The following USP13 variants were observed in gnomAD, a reference collection of about 807,000 sequenced individuals.
USP13 encodes ubiquitin carboxyl-terminal hydrolase 13.
USP13 carries 68 observed loss-of-function variants against 107.8 expected under a neutral mutation model. The ratio of observed to expected loss-of-function variants is 0.63; its 90% confidence interval spans 0.52 to 0.77. The LOEUF (loss-of-function observed/expected upper bound fraction) is 0.77. USP13 is among the 30% of genes least tolerant of loss of function. The pLI is 0.00. For missense variants in USP13, 945 were observed against 1,093.3 expected, an observed-to-expected ratio of 0.86 and a Z score of 1.91; for synonymous variants, 377 against 389.5, an observed-to-expected ratio of 0.97 and a Z score of 0.38.
intron 3 of USP13, among the ~76,000 whole-genome samples, chr3:179,690,574 C>T (rs1163151490): frequency 1.3e-5 from 2 of 152,030 alleles, no homozygotes; most frequent in East Asian, 3.9e-4. Flanking sequence ...TTATTGCTTA[C>T]TTTATTTTTA....
intron 14 of USP13, among the ~76,000 whole-genome samples, chr3:179,753,313 G>T (rs991877337): frequency 6.6e-6 from 1 of 152,214 alleles, no homozygotes; most frequent in African/African-American, 2.4e-5. Flanking sequence ...GTGCTGGGCT[G>T]TTACTGATCC....
At chr3:179,705,949 C>G (rs909576145) in intron 4 of USP13, among the ~76,000 whole-genome samples, 3 of 152,162 alleles carry the variant, frequency 2.0e-5, no homozygotes, top group Non-Finnish European at 2.9e-5. Context: ...TCTCGAACTC[C>G]TGACCTCAAG....
At chr3:179,741,935 T>G (rs919102369) in intron 11 of USP13, among the ~76,000 whole-genome samples, 1 of 152,230 alleles carries the variant, frequency 6.6e-6, no homozygotes, top group South Asian at 2.1e-4. Flanking sequence ...TCTCATTCCA[T>G]GAATTTCTCT....
chr3:179,686,384 C>A (rs1019445728), intron 2 of USP13, among the ~76,000 whole-genome samples: 2 of 152,106 alleles, frequency 1.3e-5, no homozygotes, highest in African/African-American at 4.8e-5. Context: ...GAGTTTGAGA[C>A]CACCCTGGGC....
intron 18 of USP13, among the ~76,000 whole-genome samples, chr3:179,765,388 T>A (rs1230207766): frequency 2.0e-5 from 3 of 152,230 alleles, no homozygotes; most frequent in Non-Finnish European, 2.9e-5. Context: ...TCCACACCTA[T>A]TATTATCAGC....
intron 3 of USP13, 45 bp from the exon 4 acceptor site, chr3:179,700,963 A>T: frequency 6.3e-7 from 1 of 1,584,452 alleles, no homozygotes; most frequent in Non-Finnish European, 8.6e-7. Flanking sequence ...AGTGTGGGAT[A>T]TTATTTTCCT....
chr3:179,741,296 A>C (rs760951202), intron 11 of USP13, among the ~76,000 whole-genome samples: 5 of 151,980 alleles, frequency 3.3e-5, no homozygotes, highest in Non-Finnish European at 7.4e-5. Context: ...GCCCACTGCA[A>C]CCTCCGCCTT....
chr3:179,759,935 G>A (rs933445883), intron 16 of USP13, among the ~76,000 whole-genome samples: 2 of 152,128 alleles, frequency 1.3e-5, no homozygotes, highest in Admixed American at 1.3e-4. Flanking sequence ...GCCTCCCAAA[G>A]AGCTGGGATT....
intron 8 of USP13, among the ~76,000 whole-genome samples, chr3:179,728,505 G>A (rs1713657386): frequency 6.6e-6 from 1 of 150,450 alleles, no homozygotes; most frequent in Admixed American, 6.6e-5. Flanking sequence ...AGACTGGGCA[G>A]CCAGGCAGAG....
chr3:179,773,865 A>T (rs1284793811), intron 19 of USP13, among the ~76,000 whole-genome samples: 2 of 152,186 alleles, frequency 1.3e-5, no homozygotes, highest in African/African-American at 4.8e-5. Context: ...ACTGGACAGA[A>T]TTTTTTTGTA....
chr3:179,688,263 T>G (rs1711967111), intron 2 of USP13, among the ~76,000 whole-genome samples: 4 of 147,564 alleles, frequency 2.7e-5, no homozygotes, highest in African/African-American at 9.9e-5. Flanking sequence ...CAGTAGCTGC[T>G]ATATGCCAGG....
At chr3:179,728,982 AAGAGGG>A (rs111864317) in intron 8 of USP13, among the ~76,000 whole-genome samples, 18 of 150,000 alleles carry the variant, frequency 1.2e-4, no homozygotes, top group African/African-American at 2.2e-4. Flanking sequence ...GACGGAGAGG[AAGAGGG>A]AGAGGGAGAG....
In USP13 at chr3:179,653,427, C is replaced by T; in HGVS notation, c.168+34C>T. ...GGCGCCTCGGGGGAGGGTCGCGGGG[C>T]CGGCGGCCTGCGGCACGTGAAGCCG... On this transcript the variant is annotated intron_variant, in intron 1 of 20. Coordinates refer to ENST00000263966, the MANE Select transcript of USP13 (RefSeq NM_003940.3). This position sits in a 1 kb window ranked among gnomAD's most constrained non-coding sequence, Gnocchi z 4.0. 3 of 1,537,592 alleles carry T rather than the reference C, an allele frequency of 2.0e-6. No individual in the cohort carries two copies. Among genetic ancestry groups the T allele is most frequent in the Non-Finnish European group, 2.6e-6 (3 of 1,138,634 alleles).
Position 179,707,074 on chromosome 3 carries a change from A to G in USP13, c.618A>G (p.Pro206=), listed in dbSNP as rs16830742. 0.066 allele frequency: 105,833 copies of G among 1,613,104 alleles called. 3,779 individuals carry two copies. The highest frequency in any genetic ancestry group is 0.073 in the Non-Finnish European group (85,546 of 1,179,662). The change falls in exon 5 of 21, where the codon CCA becomes CCG. Residue 206 remains proline (P), a splice_region_variant and synonymous_variant. Coordinates refer to ENST00000263966, the MANE Select transcript of USP13 (RefSeq NM_003940.3). ...TGGACAATGGAGTCAGGATTCCTCCAAGGTGAGAGTCAGATAGCAGAATGG... is the reference window on the plus strand; with the variant it reads ...TGGACAATGGAGTCAGGATTCCTCCGAGGTGAGAGTCAGATAGCAGAATGG... The part of the protein sequence containing the change: ...TQLDNGVRIP[P]SGWKCARCDL...
intron 13 of USP13, among the ~76,000 whole-genome samples, chr3:179,751,741 TG>T (rs1474625693): frequency 6.6e-6 from 1 of 152,136 alleles, no homozygotes; most frequent in Non-Finnish European, 1.5e-5. Flanking sequence ...TTTTTTTTTT[TG>T]AGATGGAGTC....
intron 13 of USP13, among the ~76,000 whole-genome samples, 158 bp from the exon 14 acceptor site, chr3:179,752,127 T>G (rs961713865): frequency 6.6e-6 from 1 of 152,228 alleles, no homozygotes; most frequent in Non-Finnish European, 1.5e-5. Flanking sequence ...GGAGAGCGAA[T>G]GTGTGTCCAC....
chr3:179,762,508 G>C (rs1715043177), intron 17 of USP13, among the ~76,000 whole-genome samples: 1 of 152,160 alleles, frequency 6.6e-6, no homozygotes, highest in Non-Finnish European at 1.5e-5. Flanking sequence ...TTGAGCCCAG[G>C]AGACGGAGGT....
intron 1 of USP13, among the ~76,000 whole-genome samples, chr3:179,672,570 C>G: frequency 6.6e-6 from 1 of 151,588 alleles, no homozygotes; most frequent in East Asian, 1.9e-4. Flanking sequence ...TTAGCTGGGA[C>G]TACAGGTGTG....
chr3:179,731,641 A>G (rs1413879622), intron 10 of USP13, among the ~76,000 whole-genome samples: 1 of 152,176 alleles, frequency 6.6e-6, no homozygotes, highest in African/African-American at 2.4e-5. Context: ...GACCCTCCCT[A>G]TGCTGCTTGT....
Sources: allele counts gnomAD v4.1 joint callset (sites outside exome capture counted in the v4.1 genomes callset), GRCh38; gene constraint gnomAD v4.1.1; non-coding constraint Gnocchi (gnomAD v3.1); transcripts MANE v1.5; gene names NCBI Gene and HGNC (gene_info 2026-07-23, HGNC 2026-07-21).